Variants in PPP4R2 observed in about 807,000 individuals in gnomAD.
PPP4R2 encodes serine/threonine-protein phosphatase 4 regulatory subunit 2.
PPP4R2 carries 13 observed loss-of-function variants against 47.2 expected under a neutral mutation model. The observed-to-expected ratio is 0.28, with a 90% CI of 0.18 to 0.44. PPP4R2 has a LOEUF of 0.44. PPP4R2 is among the 20% of genes least tolerant of loss of function. The pLI is 1.00. For synonymous variants in PPP4R2, 151 were observed against 163.3 expected, an observed-to-expected ratio of 0.92 and a Z score of 0.57; for missense variants, 421 against 491.2, an observed-to-expected ratio of 0.86 and a Z score of 1.35.
chr3:73,030,810 T>C (rs1260273926), intron 2 of PPP4R2, among the ~76,000 whole-genome samples: 2 of 152,040 alleles, frequency 1.3e-5, no homozygotes, highest in African/African-American at 4.8e-5. Context: ...CAAGCAATTA[T>C]CCTGCCTCAG....
rs1559572147 is a variant in PPP4R2 at position 73,065,081 on chromosome 3, CG to C, written c.869del (p.Arg290LeufsTer24). 1 of 1,613,840 alleles carries C rather than the reference CG, an allele frequency of 6.2e-7. No homozygotes were observed. Among genetic ancestry groups the C allele is most frequent in the East Asian group, 2.2e-5 (1 of 44,862 alleles). ...ATCTCAGGATAAAGACAAAGATAGC[CG>C]TTGTACCCGGCAGCACTGTACAGAA... ...SSSQDKDKDS[R>X]CTRQHCTEED... On this transcript the variant is annotated frameshift_variant, in exon 8 of 9. Coordinates refer to ENST00000356692, the MANE Select transcript of PPP4R2 (RefSeq NM_174907.4). LOFTEE classifies it high-confidence loss of function.
Position 73,005,607 on chromosome 3 carries a change from G to A in PPP4R2, c.116+7449G>A, listed in dbSNP as rs565583470. Among the ~76,000 whole-genome samples, 32 of 152,056 alleles carry A rather than the reference G, an allele frequency of 2.1e-4. 1 individual carries two copies. The South Asian group carries it at 6.2e-3, about 30-fold the overall frequency. On this transcript the variant is annotated intron_variant, in intron 2 of 8. Transcript: ENST00000356692. ...CTCACGCCTGTAATCCCAGCAGTTT[G>A]GGAGGCTGAGGCCGGCGGATCACCT... is the stretch of plus-strand genomic sequence containing the variant.
chr3:73,062,418 C>T, intron 5 of PPP4R2: 3 of 1,611,194 alleles, frequency 1.9e-6, no homozygotes, highest in Non-Finnish European at 2.5e-6. Flanking sequence ...TATGCTAGAC[C>T]CAGCACATAA....
chr3:73,046,044 T>A (rs1702479983), intron 2 of PPP4R2, among the ~76,000 whole-genome samples: 1 of 152,246 alleles, frequency 6.6e-6, no homozygotes, highest in Non-Finnish European at 1.5e-5. Context: ...AATTTTTATA[T>A]CTTTTACACT....
intron 3 of PPP4R2, among the ~76,000 whole-genome samples, chr3:73,050,180 G>A (rs1008173587): frequency 8.5e-5 from 13 of 152,114 alleles, no homozygotes; most frequent in Non-Finnish European, 1.2e-4. Flanking sequence ...GGCCAGGCTG[G>A]TCTGGAACTC....
At chr3:73,056,741 T>G (rs1424811630) in intron 3 of PPP4R2, among the ~76,000 whole-genome samples, 1 of 152,176 alleles carries the variant, frequency 6.6e-6, no homozygotes, top group Non-Finnish European at 1.5e-5. Context: ...AAACAACACA[T>G]AAAATATTAA....
In PPP4R2 at chr3:72,996,975, G is replaced by C; in HGVS notation, c.-63G>C. The C allele has an allele frequency of 2.4e-6, 3 of 1,247,988 alleles. No individual in the cohort carries two copies. The highest frequency in any genetic ancestry group is 2.1e-6 in the Non-Finnish European group (2 of 962,010). The allele number at this position is 1,247,988 out of a possible 1,614,324, so 77.3% of individuals were successfully genotyped here. A position where few individuals can be genotyped will look rare whatever the true frequency, so the allele number is the denominator to read the frequency against. On this transcript the variant is annotated 5_prime_UTR_variant, in exon 1 of 9. Coordinates refer to ENST00000356692, the MANE Select transcript of PPP4R2 (RefSeq NM_174907.4). ...GGAGGGCGTCGGGGGGGTGGGGGGA[G>C]GCGTTCCGGTCCCCAAGAGACCCGC...
intron 2 of PPP4R2, among the ~76,000 whole-genome samples, chr3:73,025,658 A>G (rs1344088018): frequency 1.3e-5 from 2 of 152,248 alleles, no homozygotes; most frequent in African/African-American, 4.8e-5. Flanking sequence ...CAGAGGGAAC[A>G]GTGAGCAAAG....
At chr3:73,026,130 G>C (rs1702058656) in intron 2 of PPP4R2, among the ~76,000 whole-genome samples, 1 of 152,052 alleles carries the variant, frequency 6.6e-6, no homozygotes, top group Admixed American at 6.5e-5. Flanking sequence ...CTTCTCCCTT[G>C]CTCAAGTTAA....
chr3:73,033,091 TA>T (rs1559557254), intron 2 of PPP4R2, among the ~76,000 whole-genome samples: 3 of 152,230 alleles, frequency 2.0e-5, no homozygotes, highest in Non-Finnish European at 4.4e-5. Flanking sequence ...GTATTCTAGA[TA>T]CCATATCATG....
intron 2 of PPP4R2, among the ~76,000 whole-genome samples, chr3:73,041,409 A>C (rs1702377118): frequency 6.6e-6 from 1 of 152,188 alleles, no homozygotes; most frequent in Non-Finnish European, 1.5e-5. Flanking sequence ...CACTTATTTA[A>C]TTCAGTATTC....
intron 2 of PPP4R2, among the ~76,000 whole-genome samples, chr3:73,018,752 T>C (rs1196534411): frequency 2.0e-5 from 3 of 152,340 alleles, no homozygotes; most frequent in Non-Finnish European, 4.4e-5. Flanking sequence ...TTGCCTCATA[T>C]GTTCTTCCTT....
chr3:73,064,798 G>A, intron 7 of PPP4R2, 54 bp from the exon 8 acceptor site: 1 of 1,437,950 alleles, frequency 7.0e-7, no homozygotes, highest in South Asian at 1.4e-5. Flanking sequence ...AAATGGGGAT[G>A]TAGAAGATGG....
At chr3:73,034,027 A>G (rs1369757120) in intron 2 of PPP4R2, among the ~76,000 whole-genome samples, 2 of 152,140 alleles carry the variant, frequency 1.3e-5, no homozygotes, top group East Asian at 3.8e-4. Context: ...AGCAGTGCCC[A>G]TTGGTCCCAG....
chr3:73,059,732 C>T (rs575238383), intron 4 of PPP4R2, among the ~76,000 whole-genome samples: 8 of 151,814 alleles, frequency 5.3e-5, no homozygotes, highest in East Asian at 1.9e-4. Flanking sequence ...GTCAGGAGTT[C>T]GAGACCAGGC....
rs553763075 is a variant in PPP4R2, at chr3:73,068,707, T to A, written c.*2985T>A. ...GCCGGTGTAGATAGGCATGTATTTA[T>A]GCATTTTTGCATTTGTAAAATCAAC... On this transcript the variant is annotated 3_prime_UTR_variant, in exon 9 of 9. Transcript: ENST00000356692. The A allele has an allele frequency of 1.3e-5, 2 of 152,178 alleles. No homozygotes were observed. Among genetic ancestry groups the A allele is most frequent in the Non-Finnish European group, 1.5e-5 (1 of 68,034 alleles). 9.4% of individuals were successfully genotyped at this position (152,178 alleles called of 1,614,324 possible). A position where few individuals can be genotyped will look rare whatever the true frequency, so the allele number is the denominator to read the frequency against.
At chr3:73,055,506 C>T (rs1702714691) in intron 3 of PPP4R2, among the ~76,000 whole-genome samples, 1 of 146,246 alleles carries the variant, frequency 6.8e-6, no homozygotes. Context: ...ATGTGTGGGG[C>T]GGGGGGTTTA....
At chr3:73,004,938 CGGAGTCGTGTGT>C (rs1300164414) in intron 2 of PPP4R2, among the ~76,000 whole-genome samples, 2 of 71,834 alleles carry the variant, frequency 2.8e-5, no homozygotes, top group African/African-American at 1.3e-4. Flanking sequence ...TGTTTTGAGT[CGGAGTCGTGTGT>C]GTGTGTGTGT....
intron 2 of PPP4R2, among the ~76,000 whole-genome samples, chr3:73,004,937 T>G (rs1701569507): frequency 7.6e-6 from 1 of 131,754 alleles, no homozygotes; most frequent in African/African-American, 3.2e-5. Flanking sequence ...GTGTTTTGAG[T>G]CGGAGTCGTG....
Sources: allele counts gnomAD v4.1 joint callset (sites outside exome capture counted in the v4.1 genomes callset), GRCh38; gene constraint gnomAD v4.1.1; transcripts MANE v1.5; gene names NCBI Gene and HGNC (gene_info 2026-07-23, HGNC 2026-07-21).